The following DAAM2 variants were observed in gnomAD, a reference collection of about 807,000 sequenced individuals.
DAAM2 encodes disheveled-associated activator of morphogenesis 2.
A neutral mutation model predicts 120.7 loss-of-function variants in DAAM2; 39 were observed. The observed-to-expected ratio is 0.32, with a 90% CI of 0.25 to 0.42. DAAM2 has a LOEUF of 0.42. DAAM2 is among the 10% of genes least tolerant of loss of function. The probability of loss-of-function intolerance (pLI) is 1.00; values close to 1 mark genes in which losing one functional copy is unlikely to be tolerated. For synonymous variants in DAAM2, 488 were observed against 524.9 expected (o/e 0.93, Z 0.96); for missense variants, 1,283 against 1,401.7 (o/e 0.92, Z 1.35).
intron 1 of DAAM2, among the ~76,000 whole-genome samples, chr6:39,852,586 C>T (rs371800463): frequency 5.3e-5 from 8 of 152,316 alleles, no homozygotes; most frequent in Admixed American, 1.3e-4. Flanking sequence ...AATGGAGGCC[C>T]GCTGCAGGGT....
intron 1 of DAAM2, among the ~76,000 whole-genome samples, chr6:39,817,327 T>C (rs1762338575): frequency 6.6e-6 from 1 of 152,224 alleles, no homozygotes; most frequent in African/African-American, 2.4e-5. Flanking sequence ...TAAAAGATTA[T>C]GCGTAATAAC....
intron 14 of DAAM2, 160 bp from the exon 15 acceptor site, chr6:39,883,802 G>T (rs1765245863): frequency 6.4e-6 from 4 of 621,460 alleles, no homozygotes; most frequent in Non-Finnish European, 1.2e-5. Context: ...ATTCAAGAGA[G>T]TTGGAGGTTG....
intron 14 of DAAM2, among the ~76,000 whole-genome samples, chr6:39,881,477 G>A (rs1765115726): frequency 6.6e-6 from 1 of 152,118 alleles, no homozygotes; most frequent in Non-Finnish European, 1.5e-5. Context: ...CCAGCACTTG[G>A]GGAGGCCAAG....
At position 39,901,804 on chromosome 6, in the gene DAAM2, C is replaced by T. The variant is rs117243886; in HGVS notation, c.2983-9C>T. 511 of 1,518,342 alleles carry T rather than the reference C, an allele frequency of 3.4e-4. 8 individuals carry two copies. In the East Asian group the frequency reaches 6.9e-3, roughly 21 times the overall value. 94.1% of individuals were successfully genotyped at this position (1,518,342 alleles called of 1,614,324 possible). On this transcript the variant is annotated splice_polypyrimidine_tract_variant and intron_variant, in intron 24 of 24. Coordinates refer to ENST00000274867, the MANE Select transcript of DAAM2 (RefSeq NM_001201427.2). The surrounding 1 kb of genome is among the most constrained non-coding windows in gnomAD (Gnocchi z 4.5). The stretch of plus-strand genomic sequence containing the variant: ...GAGAGGGTTCCTATCTTTGGCCCCC[C>T]GCCCGCAGCTGAAGGAGCAGAGGGA...
intron 1 of DAAM2, among the ~76,000 whole-genome samples, chr6:39,803,939 G>T (rs749280823): frequency 6.6e-6 from 1 of 152,182 alleles, no homozygotes; most frequent in East Asian, 1.9e-4. Flanking sequence ...AGTGAAAGGG[G>T]CATTAACTGG....
Position 39,901,259 on chromosome 6 carries a change from G to A in DAAM2, c.2812-43G>A. On this transcript the variant is annotated intron_variant, in intron 23 of 24. Coordinates refer to ENST00000274867, the MANE Select transcript of DAAM2 (RefSeq NM_001201427.2). This position sits in a 1 kb window ranked among gnomAD's most constrained non-coding sequence, Gnocchi z 4.5. ...TAACCTCAGGGGCTGAGCCCAGCATGCTCCAGGGCACTCTCCACCAATCCT... is the reference window on the plus strand; with the variant it reads ...TAACCTCAGGGGCTGAGCCCAGCATACTCCAGGGCACTCTCCACCAATCCT... The A allele has an allele frequency of 1.9e-6, 3 of 1,566,156 alleles. No homozygotes were observed. The highest frequency in any genetic ancestry group is 2.6e-6 in the Non-Finnish European group (3 of 1,144,694).
At position 39,891,192 on chromosome 6, in the gene DAAM2, C is replaced by G; in HGVS notation, c.2146-149C>G. The G allele has an allele frequency of 6.6e-6, 4 of 604,616 alleles. No individual in the cohort carries two copies. The Admixed American group carries it at 1.1e-4, about 17-fold the overall frequency. 37.5% of individuals were successfully genotyped at this position (604,616 alleles called of 1,614,324 possible). A position where few individuals can be genotyped will look rare whatever the true frequency, so the allele number is the denominator to read the frequency against. ...TGTGTGCCCTGTCATCCCCTTCAGG[C>G]AGATGAAAGAAATCTGTCCACATGA... is the stretch of plus-strand genomic sequence containing the variant. On this transcript the variant is annotated intron_variant, in intron 17 of 24. Transcript: ENST00000274867.
chr6:39,896,690 G>A (rs1390755632), intron 19 of DAAM2, 122 bp from the exon 20 acceptor site: 1 of 766,564 alleles, frequency 1.3e-6, no homozygotes, highest in Non-Finnish European at 1.9e-6. Flanking sequence ...CTGCCTCACT[G>A]AGAGTTGAAG....
At chr6:39,850,270 C>T (rs1763757415) in intron 1 of DAAM2, among the ~76,000 whole-genome samples, 1 of 152,160 alleles carries the variant, frequency 6.6e-6, no homozygotes, top group Admixed American at 6.5e-5. Flanking sequence ...CTTTTCCCTC[C>T]CCTTGCACCC....
chr6:39,823,811 G>A (rs943728461), intron 1 of DAAM2, among the ~76,000 whole-genome samples: 5 of 152,168 alleles, frequency 3.3e-5, no homozygotes, highest in East Asian at 1.9e-4. Flanking sequence ...TTTCTGGATC[G>A]GATGTCCTGC....
intron 1 of DAAM2, among the ~76,000 whole-genome samples, chr6:39,827,453 G>T (rs563675426): frequency 6.6e-6 from 1 of 152,264 alleles, no homozygotes; most frequent in African/African-American, 2.4e-5. Flanking sequence ...CTGAAGTGGG[G>T]CGGGGGTAGT....
intron 19 of DAAM2, among the ~76,000 whole-genome samples, chr6:39,895,392 C>A (rs887119411): frequency 6.6e-6 from 1 of 151,876 alleles, no homozygotes; most frequent in African/African-American, 2.4e-5. Flanking sequence ...TGCACCACCA[C>A]GCCTGGCTAA....
chr6:39,839,032 C>A (rs530339092), intron 1 of DAAM2, among the ~76,000 whole-genome samples: 2 of 152,006 alleles, frequency 1.3e-5, no homozygotes, highest in African/African-American at 4.8e-5. Context: ...GGTCCCCCCT[C>A]TCTCTCCTCC....
At chr6:39,874,289 T>A (rs1764782601) in intron 10 of DAAM2, among the ~76,000 whole-genome samples, 1 of 152,242 alleles carries the variant, frequency 6.6e-6, no homozygotes, top group Admixed American at 6.5e-5. Context: ...GCTAGTGACC[T>A]GGCTTTACAC....
intron 1 of DAAM2, among the ~76,000 whole-genome samples, chr6:39,806,988 T>G (rs1185724504): frequency 3.3e-5 from 5 of 152,138 alleles, no homozygotes; most frequent in African/African-American, 1.2e-4. Context: ...GAAGATGCAT[T>G]TACTGTAAGA....
intron 19 of DAAM2, among the ~76,000 whole-genome samples, chr6:39,892,327 CTAT>C (rs1256776675): frequency 6.6e-6 from 1 of 152,174 alleles, no homozygotes; most frequent in Non-Finnish European, 1.5e-5. Context: ...CGGGTGGGTG[CTAT>C]TATTAATTTC....
At chr6:39,875,530 G>T (rs1418470134) in intron 11 of DAAM2, 62 bp downstream of exon 11, 6 of 1,561,206 alleles carry the variant, frequency 3.8e-6, no homozygotes, top group Non-Finnish European at 5.2e-6. Flanking sequence ...TCCCACTCTG[G>T]TCTCACCAGC....
At chr6:39,896,602 C>G (rs537367872) in intron 19 of DAAM2, among the ~76,000 whole-genome samples, 2 of 152,278 alleles carry the variant, frequency 1.3e-5, no homozygotes, top group African/African-American at 4.8e-5. Context: ...GGTGAATTGG[C>G]CTTGGTGAAT....
At chr6:39,794,150 G>A (rs184968522) in intron 1 of DAAM2, among the ~76,000 whole-genome samples, 9 of 152,328 alleles carry the variant, frequency 5.9e-5, no homozygotes, top group African/African-American at 2.2e-4. Flanking sequence ...GAAGGAGGAG[G>A]AAATCATCCC....
Sources: gnomAD v4.1 joint callset for allele counts (sites outside exome capture counted in the v4.1 genomes callset) on GRCh38, gnomAD v4.1.1 for gene constraint, Gnocchi (gnomAD v3.1) non-coding constraint, MANE v1.5 for transcripts, NCBI Gene and HGNC (gene_info 2026-07-23, HGNC 2026-07-21) for gene names.